CPLANE1: variants seen among roughly 807,000 people sequenced by gnomAD.
The protein encoded by CPLANE1 is ciliogenesis and planar polarity effector complex subunit 1, also known as ciliogenesis and planar polarity effector 1.
In CPLANE1, 263 loss-of-function variants were observed where a neutral mutation model predicts 362.5. The observed-to-expected ratio is 0.73, with a 90% CI of 0.66 to 0.80. The LOEUF (loss-of-function observed/expected upper bound fraction) is 0.80. Ranked by LOEUF, CPLANE1 falls within the 30% of genes least tolerant of loss-of-function variation. CPLANE1 has a pLI of 0.00. For synonymous variants in CPLANE1, 1,212 were observed against 1,302.6 expected, an observed-to-expected ratio of 0.93 and a Z score of 1.50; for missense variants, 3,461 against 3,793.4, an observed-to-expected ratio of 0.91 and a Z score of 2.30.
At chr5:37,134,728 G>A (rs966515566) in intron 46 of CPLANE1, among the ~76,000 whole-genome samples, 1 of 149,202 alleles carries the variant, frequency 6.7e-6, no homozygotes, top group African/African-American at 2.5e-5. Flanking sequence ...TAGGCGTGAT[G>A]TTAGATTACT....
chr5:37,163,753 G>C (rs980219003), intron 37 of CPLANE1, among the ~76,000 whole-genome samples: 1 of 152,108 alleles, frequency 6.6e-6, no homozygotes, highest in Non-Finnish European at 1.5e-5. Flanking sequence ...GATAGCTTCA[G>C]CATAGGCCCT....
At position 37,206,155 on chromosome 5, in the gene CPLANE1, G is replaced by A. The variant is rs756770284; in HGVS notation, c.3149+42C>T. The A allele has an allele frequency of 1.9e-5, 23 of 1,238,708 alleles. No individual in the cohort carries two copies. The African/African-American group carries it at 2.5e-4, about 14-fold the overall frequency. 76.7% of individuals were successfully genotyped at this position (1,238,708 alleles called of 1,614,324 possible). A position where few individuals can be genotyped will look rare whatever the true frequency, so the allele number is the denominator to read the frequency against. On this transcript the variant is annotated intron_variant, in intron 17 of 52. Coordinates refer to ENST00000651892, the MANE Select transcript of CPLANE1 (RefSeq NM_001384732.1). ...CAATAAGAGAAATATAAAATACATA[G>A]TTCAATCATACTATATCTTAAAATT... is the stretch of plus-strand genomic sequence containing the variant.
intron 45 of CPLANE1, among the ~76,000 whole-genome samples, chr5:37,139,078 T>C (rs1768798937): frequency 6.6e-6 from 1 of 152,172 alleles, no homozygotes; most frequent in Admixed American, 6.5e-5. Flanking sequence ...AAAACCCCTA[T>C]AGATTCTGTT....
In CPLANE1 at chr5:37,213,666, A is replaced by ACT. The variant is rs1169195782; in HGVS notation, c.2811_2812dup (p.Val938GlufsTer27). 3.9e-6 allele frequency: 6 copies of ACT among 1,542,420 alleles called. No individual in the cohort carries two copies. The highest frequency in any genetic ancestry group is 5.3e-6 in the Non-Finnish European group (6 of 1,141,230). On this transcript the variant is annotated frameshift_variant, in exon 16 of 53. Coordinates refer to ENST00000651892, the MANE Select transcript of CPLANE1 (RefSeq NM_001384732.1). ...CATGAAACGAGCCATGGACTGGACG[A>ACT]CTCTCACTGCTGCCTCAGGATGAAC...
At position 37,183,428 on chromosome 5, in the gene CPLANE1, T is replaced by A; in HGVS notation, c.4753A>T (p.Arg1585Ter). 1 of 1,613,786 alleles carries A rather than the reference T, an allele frequency of 6.2e-7. No individual in the cohort carries two copies. Among genetic ancestry groups the A allele is most frequent in the South Asian group, 1.1e-5 (1 of 91,044 alleles). ...AGTAAAGAATTAAGTTCATGTTCTCTAAGCTTTCCAGAAAAACTAGTTAGA... is the reference window on the plus strand; with the variant it reads ...AGTAAAGAATTAAGTTCATGTTCTCAAAGCTTTCCAGAAAAACTAGTTAGA... ...PFLTSFSGKL[R>*]EHELNSLLFD... Residue 1585 changes from arginine (R) to a stop codon, truncating the protein, a stop_gained, in exon 26 of 53, where the codon AGA becomes TGA. Transcript: ENST00000651892. LOFTEE classifies it high-confidence loss of function.
intron 46 of CPLANE1, among the ~76,000 whole-genome samples, chr5:37,133,089 T>C (rs757450974): frequency 2.0e-5 from 3 of 152,194 alleles, no homozygotes; most frequent in African/African-American, 4.8e-5. Flanking sequence ...GCTGTAGGTA[T>C]GCAACTTTAT....
intron 23 of CPLANE1, among the ~76,000 whole-genome samples, chr5:37,186,798 G>A (rs1784110843): frequency 6.6e-6 from 1 of 152,058 alleles, no homozygotes; most frequent in Admixed American, 6.5e-5. Context: ...GGTGGCTCAC[G>A]CCTGTAATCC....
Position 37,142,060 on chromosome 5 carries a change from C to T in CPLANE1, c.8632+250G>A, listed in dbSNP as rs1037982575. On this transcript the variant is annotated intron_variant, in intron 44 of 52. Transcript: ENST00000651892. ...TAAAAATCAACTATTACAGTAATTC[C>T]AGTTGCTATATATTTCATATTAATA... The T allele has an allele frequency of 9.0e-6, 8 of 891,214 alleles. No homozygotes were observed. In the East Asian group the frequency reaches 4.7e-4, roughly 52 times the overall value. 55.2% of individuals were successfully genotyped at this position (891,214 alleles called of 1,614,324 possible).
At chr5:37,135,156 G>A (rs893414348) in intron 46 of CPLANE1, among the ~76,000 whole-genome samples, 2 of 151,950 alleles carry the variant, frequency 1.3e-5, no homozygotes, top group African/African-American at 4.8e-5. Flanking sequence ...TTGTGTCTTC[G>A]TTTTCATTTA....
At chr5:37,115,089 T>C (rs1291454150) in intron 50 of CPLANE1, 40 bp from the exon 51 acceptor site, 1 of 1,252,612 alleles carries the variant, frequency 8.0e-7, no homozygotes, top group Non-Finnish European at 1.2e-6. Context: ...TCCATAGACA[T>C]CCATGATTTT....
chr5:37,162,448 A>T lies in CPLANE1; in HGVS notation c.7690+17T>A. ...TCAAAATATATGAATTTTTTTAAAA[A>T]GTAAAACAGCATTTACCTGGGTCTG... On this transcript the variant is annotated intron_variant, in intron 38 of 52. Transcript: ENST00000651892. 6.6e-7 allele frequency: 1 copy of T among 1,512,570 alleles called. No individual in the cohort carries two copies. Among genetic ancestry groups the T allele is most frequent in the Non-Finnish European group, 9.1e-7 (1 of 1,098,602 alleles). 93.7% of individuals were successfully genotyped at this position (1,512,570 alleles called of 1,614,324 possible).
In CPLANE1 at chr5:37,168,859, G is replaced by C; in HGVS notation, c.7165C>G (p.Pro2389Ala). 1 of 1,614,020 alleles carries C rather than the reference G, an allele frequency of 6.2e-7. No homozygotes were observed. Among genetic ancestry groups the C allele is most frequent in the African/African-American group, 1.3e-5 (1 of 75,038 alleles). Residue 2389 changes from proline (P) to alanine (A), a missense_variant, in exon 34 of 53, where the codon CCT becomes GCT. Pro to Ala is a conservative substitution (Grantham distance 27). Around this residue, in one of 2 missense-constraint regions of CPLANE1, gnomAD observed 3,380 missense variants for 3,666.1 expected, o/e 0.92. Transcript: ENST00000651892. ...SITVPSTPIQ[P>A]IAEERKYPRL... is the part of the protein sequence containing the mutation. Reference sequence around the variant, plus strand: ...GGGTATTTTCTTTCTTCTGCTATAGGTTGGATAGGTGTTGAGGGAACTGTA... The same window carrying C: ...GGGTATTTTCTTTCTTCTGCTATAGCTTGGATAGGTGTTGAGGGAACTGTA...
intron 16 of CPLANE1, chr5:37,210,424 A>G: frequency 1.0e-6 from 1 of 998,588 alleles, no homozygotes; most frequent in South Asian, 1.3e-5. Context: ...CTAAAGTATC[A>G]ACTTGAACTA....
intron 9 of CPLANE1, 114 bp from the exon 10 acceptor site, chr5:37,227,931 G>GAA (rs2150460973): frequency 1.0e-6 from 1 of 955,130 alleles, no homozygotes; most frequent in Non-Finnish European, 1.5e-6. Context: ...GCAAGCAAGT[G>GAA]AAACACACAA....
chr5:37,164,459 TTCTATCAAATTATTTAC>T (rs1265408922), intron 36 of CPLANE1, 132 bp from the exon 37 acceptor site: 2 of 622,560 alleles, frequency 3.2e-6, no homozygotes, highest in Admixed American at 2.9e-5. Context: ...GACATAAGTA[TTCTATCAAATTATTTAC>T]TCTATCAAAG....
At chr5:37,093,305 A>G in the CPLANE1 span, among the ~76,000 whole-genome samples, 1 of 152,220 alleles carries the variant, frequency 6.6e-6, no homozygotes, top group Non-Finnish European at 1.5e-5. Context: ...CTGCTTTAAA[A>G]TATGTGGGGG....
chr5:37,099,199 C>T, the CPLANE1 span, among the ~76,000 whole-genome samples: 1 of 152,138 alleles, frequency 6.6e-6, no homozygotes, highest in African/African-American at 2.4e-5. Flanking sequence ...TAAATGTGTG[C>T]TGTGGTGGTT....
In CPLANE1 at chr5:37,168,813, G is replaced by T; in HGVS notation, c.7211C>A (p.Ser2404Ter). Residue 2404 changes from serine to a stop codon, truncating the protein, a stop_gained, in exon 34 of 53, where the codon TCA becomes TAA. Coordinates refer to ENST00000651892, the MANE Select transcript of CPLANE1 (RefSeq NM_001384732.1). LOFTEE classifies it high-confidence loss of function. The stretch of plus-strand genomic sequence containing the variant: ...TACCCTATTTTCTGGGGACAAATGT[G>T]AATGAAGTAATGACAATCTTGGGTA... Reference protein sequence around the residue: ...RKYPRLSLLHSHLSPENRCKK... With the variant: ...RKYPRLSLLH The T allele has an allele frequency of 6.2e-7, 1 of 1,613,156 alleles. No homozygotes were observed. The highest frequency in any genetic ancestry group is 8.5e-7 in the Non-Finnish European group (1 of 1,179,482).
chr5:37,230,745 T>A, intron 9 of CPLANE1, 122 bp downstream of exon 9: 1 of 577,320 alleles, frequency 1.7e-6, no homozygotes, highest in Non-Finnish European at 2.7e-6. Flanking sequence ...GATATTGAGA[T>A]GACAGACTCA....
Sources: allele counts gnomAD v4.1 joint callset (sites outside exome capture counted in the v4.1 genomes callset), GRCh38; gene constraint gnomAD v4.1.1; regional missense constraint gnomAD v4.1.1; transcripts MANE v1.5; gene names NCBI Gene and HGNC (gene_info 2026-07-23, HGNC 2026-07-21).